The following MFHAS1 variants were observed in gnomAD, a reference collection of about 807,000 sequenced individuals.
MFHAS1 encodes malignant fibrous histiocytoma-amplified sequence 1.
A neutral mutation model predicts 70.4 loss-of-function variants in MFHAS1; 50 were observed. That is an observed-to-expected ratio of 0.71 (90% CI 0.57 to 0.90). The LOEUF (loss-of-function observed/expected upper bound fraction) is 0.90. Among genes scored for constraint, MFHAS1 ranks in the 40% least tolerant of loss-of-function variants. The pLI is 0.00. For synonymous variants in MFHAS1, 952 were observed against 620.0 expected (o/e 1.54, Z -7.96); for missense variants, 1,795 against 1,347.6 (o/e 1.33, Z -5.20).
At position 8,891,358 on chromosome 8, in the gene MFHAS1, C is replaced by G. The variant is rs773965444; in HGVS notation, c.1701G>C (p.Glu567Asp). 1.2e-5 allele frequency: 19 copies of G among 1,611,104 alleles called. No individual in the cohort carries two copies. The highest frequency in any genetic ancestry group is 1.1e-4 in the East Asian group (5 of 44,892). The change falls in exon 1 of 3, where the codon GAG becomes GAC. Residue 567 changes from glutamate to aspartate, a missense_variant. By Grantham distance (45) the Glu-to-Asp change is conservative. Transcript: ENST00000276282. This position sits in a 1 kb window ranked among gnomAD's most constrained non-coding sequence, Gnocchi z 5.4. ...QIALQEKHDA[E>D]GLSRLAKVVD... ...CCACCTTGGCCAAGCGGCTCAGTCC[C>G]TCCGCGTCGTGCTTCTCCTGCAGGG...
intron 1 of MFHAS1, among the ~76,000 whole-genome samples, chr8:8,832,334 G>C (rs541210396): frequency 3.8e-4 from 57 of 151,776 alleles, no homozygotes; most frequent in African/African-American, 1.2e-3. Flanking sequence ...CAAAGGACTT[G>C]TTTCTAGAAT....
At chr8:8,846,520 C>T (rs1808045071) in intron 1 of MFHAS1, among the ~76,000 whole-genome samples, 1 of 152,132 alleles carries the variant, frequency 6.6e-6, no homozygotes, top group African/African-American at 2.4e-5. Context: ...TCTCCAGGAC[C>T]TTTTAAAACT....
chr8:8,872,673 G>A (rs189908820), intron 1 of MFHAS1, among the ~76,000 whole-genome samples: 6 of 152,262 alleles, frequency 3.9e-5, no homozygotes, highest in Non-Finnish European at 7.4e-5. Flanking sequence ...CAGCTGATAA[G>A]CTCTGGCTGG....
chr8:8,840,399 G>C (rs1425990594), intron 1 of MFHAS1, among the ~76,000 whole-genome samples: 2 of 149,860 alleles, frequency 1.3e-5, no homozygotes, highest in East Asian at 3.9e-4. Context: ...GGAGCTTGCA[G>C]TGAGCCGAGA....
intron 1 of MFHAS1, among the ~76,000 whole-genome samples, chr8:8,868,732 T>C (rs1356584772): frequency 1.3e-5 from 2 of 152,196 alleles, no homozygotes; most frequent in Non-Finnish European, 2.9e-5. Context: ...AAGTCGGTAG[T>C]AACCTTAACA....
At chr8:8,886,821 T>C (rs1365091703) in intron 1 of MFHAS1, among the ~76,000 whole-genome samples, 2 of 152,142 alleles carry the variant, frequency 1.3e-5, no homozygotes, top group South Asian at 2.1e-4. Context: ...AGAAGCAAAA[T>C]GACTTCTTAA....
rs765780162 is a variant in MFHAS1 at position 8,890,791 on chromosome 8, G to A, written c.2268C>T (p.Thr756=). 1 of 1,614,140 alleles carries A rather than the reference G, an allele frequency of 6.2e-7. No individual in the cohort carries two copies. The highest frequency in any genetic ancestry group is 1.1e-5 in the South Asian group (1 of 91,082). The change falls in exon 1 of 3, where the codon ACC becomes ACT. Residue 756 remains threonine (T), a synonymous_variant. Transcript: ENST00000276282. ...SLLLHKLLLG[T]SGEGKAEGES... ...CCCCCTCCGCCTTGCCCTCTCCACT[G>A]GTCCCTAGGAGCAGCTTATGCAGCA...
intron 1 of MFHAS1, among the ~76,000 whole-genome samples, chr8:8,810,364 G>A (rs1806500725): frequency 6.6e-6 from 1 of 152,022 alleles, no homozygotes; most frequent in African/African-American, 2.4e-5. Context: ...AGACCGTCTT[G>A]GGAAAAAACA....
At chr8:8,796,633 A>G (rs1348838553) in intron 2 of MFHAS1, among the ~76,000 whole-genome samples, 47 of 125,660 alleles carry the variant, frequency 3.7e-4, no homozygotes, top group Non-Finnish European at 3.9e-4. Flanking sequence ...GCAGTGAGCC[A>G]AGATGGCGCC....
intron 1 of MFHAS1, among the ~76,000 whole-genome samples, chr8:8,812,101 T>C (rs1202416624): frequency 6.6e-6 from 1 of 152,234 alleles, no homozygotes; most frequent in African/African-American, 2.4e-5. Context: ...AAGTTCCATG[T>C]GCGGCGACTC....
chr8:8,840,780 G>C (rs1585045780), intron 1 of MFHAS1, among the ~76,000 whole-genome samples: 1 of 152,138 alleles, frequency 6.6e-6, no homozygotes, highest in Non-Finnish European at 1.5e-5. Context: ...CTATGTACTG[G>C]ATGCCTAACC....
chr8:8,846,287 GGAGGAGGATAAGAA>G (rs1808032507), intron 1 of MFHAS1, among the ~76,000 whole-genome samples: 1 of 117,780 alleles, frequency 8.5e-6, no homozygotes, highest in African/African-American at 3.6e-5. Flanking sequence ...AGGAGGAGGG[GGAGGAGGATAAGAA>G]GGAGGAGGGG....
At chr8:8,859,624 T>C (rs1309123066) in intron 1 of MFHAS1, among the ~76,000 whole-genome samples, 1 of 152,224 alleles carries the variant, frequency 6.6e-6, no homozygotes, top group African/African-American at 2.4e-5. Context: ...GATGATTTAC[T>C]TCCATTTAAG....
At chr8:8,822,524 C>T (rs1379853014) in intron 1 of MFHAS1, among the ~76,000 whole-genome samples, 5 of 81,028 alleles carry the variant, frequency 6.2e-5, no homozygotes, top group African/African-American at 1.9e-4. Flanking sequence ...ACAGGGATCA[C>T]GTCAGGGGGA....
chr8:8,850,699 G>C (rs538393985), intron 1 of MFHAS1, among the ~76,000 whole-genome samples: 1 of 151,848 alleles, frequency 6.6e-6, no homozygotes, highest in African/African-American at 2.4e-5. Flanking sequence ...GCCTCGCTTG[G>C]TGGCGCACAC....
At chr8:8,889,947 C>A in intron 1 of MFHAS1, 114 bp downstream of exon 1, 1 of 875,790 alleles carries the variant, frequency 1.1e-6, no homozygotes, top group Non-Finnish European at 1.7e-6. Flanking sequence ...CCTTACGAAG[C>A]TTTCCTGGAG....
intron 1 of MFHAS1, among the ~76,000 whole-genome samples, chr8:8,875,555 T>A (rs1049919138): frequency 2.0e-5 from 3 of 152,220 alleles, no homozygotes; most frequent in African/African-American, 7.2e-5. Flanking sequence ...TTACTTTAGA[T>A]ACCCACCATG....
intron 1 of MFHAS1, among the ~76,000 whole-genome samples, chr8:8,831,732 C>A (rs1337867257): frequency 2.0e-5 from 3 of 152,050 alleles, no homozygotes; most frequent in Admixed American, 6.6e-5. Flanking sequence ...CCTCAGCCTC[C>A]TGAGTAGCTG....
chr8:8,867,607 G>A (rs1402376703), intron 1 of MFHAS1, among the ~76,000 whole-genome samples: 1 of 151,296 alleles, frequency 6.6e-6, no homozygotes, highest in African/African-American at 2.4e-5. Context: ...TCCTAGGCTG[G>A]AGTGCAGTGG....
Sources: allele counts gnomAD v4.1 joint callset (sites outside exome capture counted in the v4.1 genomes callset), GRCh38; gene constraint gnomAD v4.1.1; non-coding constraint Gnocchi (gnomAD v3.1); transcripts MANE v1.5; gene names NCBI Gene and HGNC (gene_info 2026-07-23, HGNC 2026-07-21).